The following CA10 variants were observed in gnomAD, a reference collection of about 807,000 sequenced individuals.
CA10 encodes the protein carbonic anhydrase-related protein 10.
CA10 carries 14 observed loss-of-function variants against 44.2 expected under a neutral mutation model. The observed-to-expected ratio is 0.32, with a 90% CI of 0.21 to 0.50. The LOEUF is 0.50. Ranked by LOEUF, CA10 falls within the 20% of genes least tolerant of loss-of-function variation. The pLI is 0.99. For synonymous variants in CA10, 159 were observed against 141.6 expected, an observed-to-expected ratio of 1.12 and a Z score of -0.87; for missense variants, 350 against 409.7, an observed-to-expected ratio of 0.85 and a Z score of 1.26.
intron 1 of CA10, among the ~76,000 whole-genome samples, chr17:52,099,098 T>C (rs543712837): frequency 8.5e-5 from 13 of 152,196 alleles, no homozygotes; most frequent in African/African-American, 3.1e-4. Context: ...GCAGTCAGAA[T>C]GATGTCATTT....
chr17:51,814,519 C>T (rs1235629698), intron 3 of CA10, among the ~76,000 whole-genome samples: 1 of 152,144 alleles, frequency 6.6e-6, no homozygotes, highest in African/African-American at 2.4e-5. Context: ...GTAAGTCCTG[C>T]GGTAAGGAAA....
At chr17:51,854,157 C>A (rs1478327557) in intron 3 of CA10, among the ~76,000 whole-genome samples, 1 of 152,184 alleles carries the variant, frequency 6.6e-6, no homozygotes, top group East Asian at 1.9e-4. Context: ...AGTTGGCTTG[C>A]TCTACGGTTT....
At chr17:51,695,391 G>A (rs1364050898) in intron 4 of CA10, among the ~76,000 whole-genome samples, 1 of 151,808 alleles carries the variant, frequency 6.6e-6, no homozygotes, top group Non-Finnish European at 1.5e-5. Context: ...TCTCCTCTTT[G>A]GTTAGATGTA....
intron 2 of CA10, among the ~76,000 whole-genome samples, chr17:52,003,152 C>T (rs193022457): frequency 1.8e-4 from 28 of 151,996 alleles, no homozygotes; most frequent in Non-Finnish European, 3.8e-4. Context: ...GAATATAGTC[C>T]CATTAACCTG....
intron 6 of CA10, among the ~76,000 whole-genome samples, chr17:51,642,982 T>G (rs756204989): frequency 1.3e-5 from 2 of 152,174 alleles, no homozygotes; most frequent in African/African-American, 2.4e-5. Flanking sequence ...ATCGTTTGGA[T>G]TCTTATTGGA....
chr17:51,756,489 T>TG (rs11408330), intron 3 of CA10, among the ~76,000 whole-genome samples: 2 of 144,962 alleles, frequency 1.4e-5, no homozygotes, highest in Non-Finnish European at 3.1e-5. Context: ...TTTTTTTTTT[T>TG]GAGTCTTTGC....
intron 6 of CA10, among the ~76,000 whole-genome samples, 153 bp from the exon 7 acceptor site, chr17:51,636,162 T>A (rs1912819285): frequency 6.6e-6 from 1 of 152,158 alleles, no homozygotes; most frequent in African/African-American, 2.4e-5. Flanking sequence ...TCCAGAAGAC[T>A]CTATCTGTCA....
intron 3 of CA10, among the ~76,000 whole-genome samples, chr17:51,766,771 C>G (rs1328349943): frequency 6.6e-6 from 1 of 152,128 alleles, no homozygotes; most frequent in South Asian, 2.1e-4. Context: ...GCTGTTAACT[C>G]AAGTAACTTG....
chr17:52,128,387 T>A (rs1016038575), intron 1 of CA10, among the ~76,000 whole-genome samples: 1 of 152,198 alleles, frequency 6.6e-6, no homozygotes, highest in Non-Finnish European at 1.5e-5. Context: ...GAAAGAAAGA[T>A]GTACTTACCA....
chr17:51,773,627 T>C (rs987048658), intron 3 of CA10, among the ~76,000 whole-genome samples: 3 of 152,232 alleles, frequency 2.0e-5, no homozygotes, highest in Non-Finnish European at 4.4e-5. Context: ...CATGCCTCAG[T>C]TTACCCCTCT....
intron 3 of CA10, among the ~76,000 whole-genome samples, chr17:51,905,076 A>T (rs767345046): frequency 6.6e-6 from 1 of 152,204 alleles, no homozygotes; most frequent in Non-Finnish European, 1.5e-5. Flanking sequence ...AATTTCAACC[A>T]TCAAAGGTGT....
intron 1 of CA10, among the ~76,000 whole-genome samples, chr17:52,095,673 GT>G (rs1187897373): frequency 1.3e-5 from 2 of 152,062 alleles, no homozygotes; most frequent in Non-Finnish European, 2.9e-5. Flanking sequence ...CATATATCCT[GT>G]CCTGTCTCAC....
chr17:51,793,141 G>A (rs180795255), intron 3 of CA10, among the ~76,000 whole-genome samples: 84 of 152,284 alleles, frequency 5.5e-4, no homozygotes, highest in African/African-American at 1.9e-3. Context: ...GACCCAGGAT[G>A]CCTCACATGT....
chr17:51,989,243 A>G (rs1450389603), intron 2 of CA10, among the ~76,000 whole-genome samples: 1 of 150,428 alleles, frequency 6.6e-6, no homozygotes, highest in Non-Finnish European at 1.5e-5. Flanking sequence ...GGTTTGTTCT[A>G]CAGATTATTT....
intron 3 of CA10, among the ~76,000 whole-genome samples, chr17:51,791,564 T>G (rs1216744729): frequency 3.3e-5 from 5 of 152,204 alleles, no homozygotes; most frequent in Non-Finnish European, 7.3e-5. Flanking sequence ...TCAATTCCAT[T>G]CTTTCTGGCC....
chr17:52,069,112 A>G (rs928352783), intron 2 of CA10, among the ~76,000 whole-genome samples: 2 of 152,166 alleles, frequency 1.3e-5, no homozygotes, highest in Admixed American at 1.3e-4. Context: ...GCCCACACAT[A>G]TTATACAGAT....
chr17:51,665,468 C>T (rs1914173565), intron 4 of CA10, among the ~76,000 whole-genome samples: 1 of 152,152 alleles, frequency 6.6e-6, no homozygotes, highest in Non-Finnish European at 1.5e-5. Flanking sequence ...TTCTAAAACA[C>T]TGATGGGAAA....
chr17:51,812,131 G>A (rs1342424540), intron 3 of CA10, among the ~76,000 whole-genome samples: 5 of 152,118 alleles, frequency 3.3e-5, no homozygotes, highest in African/African-American at 9.7e-5. Context: ...ACTAATATGC[G>A]GAAGCCCACC....
chr17:52,013,176 A>C (rs537064379), intron 2 of CA10, among the ~76,000 whole-genome samples: 57 of 152,188 alleles, frequency 3.7e-4, no homozygotes, highest in Admixed American at 8.5e-4. Flanking sequence ...TATCCATTGA[A>C]TAACAGATTC....
Sources: allele counts gnomAD v4.1 joint callset (sites outside exome capture counted in the v4.1 genomes callset), GRCh38; gene constraint gnomAD v4.1.1; transcripts MANE v1.5; gene names NCBI Gene and HGNC (gene_info 2026-07-23, HGNC 2026-07-21).